The following ADCY2 variants were observed in gnomAD, a reference collection of about 807,000 sequenced individuals.
The protein encoded by ADCY2 is adenylate cyclase 2.
In ADCY2, 31 loss-of-function variants were observed where a neutral mutation model predicts 125.2. The observed-to-expected ratio is 0.25, with a 90% confidence interval of 0.19 to 0.33. ADCY2 has a LOEUF of 0.33. Among genes scored for constraint, ADCY2 ranks in the 10% least tolerant of loss-of-function variants. The probability of loss-of-function intolerance (pLI) is 1.00; values close to 1 mark genes in which losing one functional copy is unlikely to be tolerated. For synonymous variants in ADCY2, 512 were observed against 548.4 expected (o/e 0.93, Z 0.93); for missense variants, 904 against 1,418.2 (o/e 0.64, Z 5.82).
chr5:7,558,680 A>G (rs1735613162), intron 3 of ADCY2, among the ~76,000 whole-genome samples: 1 of 152,090 alleles, frequency 6.6e-6, no homozygotes, highest in African/African-American at 2.4e-5. Flanking sequence ...AAAGCTTTTA[A>G]GTTTAATTAG....
chr5:7,490,191 A>G (rs1743107960), intron 2 of ADCY2, among the ~76,000 whole-genome samples: 1 of 152,184 alleles, frequency 6.6e-6, no homozygotes, highest in Non-Finnish European at 1.5e-5. Flanking sequence ...TCTTTTTCTT[A>G]TTACAACTAG....
intron 2 of ADCY2, among the ~76,000 whole-genome samples, chr5:7,450,968 G>A (rs987070417): frequency 2.6e-5 from 4 of 152,018 alleles, no homozygotes; most frequent in African/African-American, 7.3e-5. Context: ...CTACTGCTTA[G>A]AAAAATAAAA....
chr5:7,487,824 A>G (rs1742997749), intron 2 of ADCY2, among the ~76,000 whole-genome samples: 1 of 152,184 alleles, frequency 6.6e-6, no homozygotes, highest in African/African-American at 2.4e-5. Flanking sequence ...GTCATCATCT[A>G]AATTGATTTC....
At chr5:7,696,909 G>A (rs1046900357) in intron 6 of ADCY2, among the ~76,000 whole-genome samples, 3 of 152,068 alleles carry the variant, frequency 2.0e-5, no homozygotes, top group South Asian at 2.1e-4. Context: ...GAGTTTTGTG[G>A]GTGTTCATTT....
chr5:7,410,733 A>G (rs781227813), intron 1 of ADCY2, among the ~76,000 whole-genome samples: 4 of 152,174 alleles, frequency 2.6e-5, no homozygotes, highest in Non-Finnish European at 5.9e-5. Context: ...GCATTATATG[A>G]TATTTTTTTC....
At chr5:7,662,706 C>A (rs1483620159) in intron 4 of ADCY2, among the ~76,000 whole-genome samples, 1 of 152,218 alleles carries the variant, frequency 6.6e-6, no homozygotes, top group African/African-American at 2.4e-5. Context: ...TCATCCTTAG[C>A]CTCACTTACC....
At position 7,570,075 on chromosome 5, in the gene ADCY2, A is replaced by T. The variant is rs78324376; in HGVS notation, c.570+49176A>T. 8.0e-4 allele frequency among the ~76,000 whole-genome samples: 122 copies of T among 152,228 alleles called. 1 individual carries two copies. The highest frequency in any genetic ancestry group is 2.8e-3 in the African/African-American group (117 of 41,568). ...ACTAGATTAAGGTCACACAATCACTATAAGTGTAACCCTATGACTTCTGCT... is the reference window on the plus strand; with the variant it reads ...ACTAGATTAAGGTCACACAATCACTTTAAGTGTAACCCTATGACTTCTGCT... On this transcript the variant is annotated intron_variant, in intron 3 of 24. Transcript: ENST00000338316.
At chr5:7,580,074 TGAATAAA>T (rs1736380146) in intron 3 of ADCY2, among the ~76,000 whole-genome samples, 1 of 152,084 alleles carries the variant, frequency 6.6e-6, no homozygotes, top group Non-Finnish European at 1.5e-5. Context: ...GGGTATTCAT[TGAATAAA>T]GACCCTAGGA....
rs1252946427 is a variant in ADCY2 at position 7,633,435 on chromosome 5, C to CA, written c.720+7127dup. ...TGGGCAACAGAGCAAGACTCCATCTCAAAAAAAAGAAAAAGAAAAAATATA... is the reference window on the plus strand; with the variant it reads ...TGGGCAACAGAGCAAGACTCCATCTCAAAAAAAAAGAAAAAGAAAAAATATA... On this transcript the variant is annotated intron_variant, in intron 4 of 24. Coordinates refer to ENST00000338316, the MANE Select transcript of ADCY2 (RefSeq NM_020546.3). Among the ~76,000 whole-genome samples, 576 of 95,998 alleles carry CA rather than the reference C, an allele frequency of 6.0e-3. 3 individuals are homozygous for CA. The highest frequency in any genetic ancestry group is 0.018 in the African/African-American group (472 of 25,588). The allele number at this position is 95,998 out of a possible 152,430, so 63.0% of individuals were successfully genotyped here. A position where few individuals can be genotyped will look rare whatever the true frequency, so the allele number is the denominator to read the frequency against.
chr5:7,731,607 T>G (rs1166747956), intron 14 of ADCY2, among the ~76,000 whole-genome samples: 1 of 151,214 alleles, frequency 6.6e-6, no homozygotes, highest in East Asian at 2.0e-4. Flanking sequence ...TTTATTTTTT[T>G]TTTGTTATTA....
At chr5:7,575,662 T>TTTTTTTATATG (rs1736223016) in intron 3 of ADCY2, among the ~76,000 whole-genome samples, 1 of 152,186 alleles carries the variant, frequency 6.6e-6, no homozygotes, top group African/African-American at 2.4e-5. Context: ...ATAAAGCCAT[T>TTTTTTTATATG]CATTTTATAT....
intron 18 of ADCY2, among the ~76,000 whole-genome samples, chr5:7,781,269 CCTGATTG>C (rs1365723187): frequency 6.6e-6 from 1 of 152,120 alleles, no homozygotes; most frequent in African/African-American, 2.4e-5. Context: ...AAACAGCTGA[CCTGATTG>C]GTGGGCTGAA....
intron 22 of ADCY2, among the ~76,000 whole-genome samples, chr5:7,814,165 A>T (rs1369645147): frequency 6.6e-6 from 1 of 152,242 alleles, no homozygotes; most frequent in Non-Finnish European, 1.5e-5. Context: ...TCATAACTGT[A>T]AGTTGAGAAT....
chr5:7,644,395 G>A (rs1738822578), intron 4 of ADCY2, among the ~76,000 whole-genome samples: 1 of 151,938 alleles, frequency 6.6e-6, no homozygotes, highest in Admixed American at 6.6e-5. Flanking sequence ...TCCTCTCCTT[G>A]TCCTTTGGAG....
chr5:7,410,598 G>A (rs990866617), intron 1 of ADCY2, among the ~76,000 whole-genome samples: 1 of 151,926 alleles, frequency 6.6e-6, no homozygotes, highest in Admixed American at 6.6e-5. Context: ...AGGCATTTTC[G>A]TACATTTCAT....
intron 3 of ADCY2, among the ~76,000 whole-genome samples, chr5:7,529,257 G>A (rs1473841620): frequency 1.3e-5 from 1 of 74,208 alleles, no homozygotes; most frequent in Non-Finnish European, 3.8e-5. Flanking sequence ...TAATGAAAAG[G>A]ACTTAAGTGG....
At chr5:7,754,326 G>A (rs1742919161) in intron 15 of ADCY2, among the ~76,000 whole-genome samples, 1 of 152,134 alleles carries the variant, frequency 6.6e-6, no homozygotes. Flanking sequence ...AAATTTGTCT[G>A]TGTAATAACT....
At chr5:7,435,960 G>C (rs1352006484) in intron 2 of ADCY2, among the ~76,000 whole-genome samples, 2 of 152,070 alleles carry the variant, frequency 1.3e-5, no homozygotes, top group Non-Finnish European at 2.9e-5. Context: ...TTTAGCCTTG[G>C]TTTTTGAGTA....
intron 1 of ADCY2, among the ~76,000 whole-genome samples, chr5:7,402,359 C>T (rs1323502976): frequency 1.3e-5 from 2 of 152,154 alleles, no homozygotes; most frequent in African/African-American, 4.8e-5. Context: ...AATAAAAAAT[C>T]ACAAGGGAGA....
Sources: allele counts gnomAD v4.1 joint callset (sites outside exome capture counted in the v4.1 genomes callset), GRCh38; gene constraint gnomAD v4.1.1; transcripts MANE v1.5; gene names NCBI Gene and HGNC (gene_info 2026-07-23, HGNC 2026-07-21).